SLC8A1: variants seen among roughly 807,000 people sequenced by gnomAD.
SLC8A1 encodes solute carrier family 8 member A1, also known as sodium/calcium exchanger 1.
SLC8A1 carries 18 observed loss-of-function variants against 68.3 expected under a neutral mutation model. The ratio of observed to expected loss-of-function variants is 0.26; its 90% CI spans 0.18 to 0.39. The LOEUF is 0.39. SLC8A1 is among the 10% of genes least tolerant of loss of function. SLC8A1 has a pLI of 1.00. For missense variants in SLC8A1, 985 were observed against 1,156.7 expected (o/e 0.85, Z 2.15); for synonymous variants, 475 against 415.5 (o/e 1.14, Z -1.74).
chr2:40,329,060 T>TCTCACA (rs1553510042), intron 2 of SLC8A1, among the ~76,000 whole-genome samples: 1 of 141,144 alleles, frequency 7.1e-6, no homozygotes, highest in African/African-American at 2.6e-5. Context: ...CACTACAACC[T>TCTCACA]CACACACACA....
chr2:40,451,011 T>G (rs1273966379), intron 1 of SLC8A1, among the ~76,000 whole-genome samples: 1 of 151,968 alleles, frequency 6.6e-6, no homozygotes, highest in African/African-American at 2.4e-5. Context: ...AGGGGGTGGA[T>G]TTAAAGAATC....
At chr2:40,363,535 C>G (rs1030365633) in intron 2 of SLC8A1, among the ~76,000 whole-genome samples, 6 of 152,062 alleles carry the variant, frequency 3.9e-5, no homozygotes, top group Admixed American at 3.9e-4. Context: ...CAAAAGCTAT[C>G]ATTATTATTA....
At chr2:40,491,882 G>A (rs1705339664) in intron 1 of SLC8A1, among the ~76,000 whole-genome samples, 1 of 152,190 alleles carries the variant, frequency 6.6e-6, no homozygotes, top group East Asian at 1.9e-4. Flanking sequence ...ATGCTCATGG[G>A]TAGGAAGAAT....
At chr2:40,230,100 T>C (rs540840061) in intron 2 of SLC8A1, among the ~76,000 whole-genome samples, 1 of 152,278 alleles carries the variant, frequency 6.6e-6, no homozygotes, top group South Asian at 2.1e-4. Context: ...AATCCATCTC[T>C]AGATCCCCAC....
At chr2:40,229,087 AC>A (rs917942862) in intron 2 of SLC8A1, among the ~76,000 whole-genome samples, 1 of 152,094 alleles carries the variant, frequency 6.6e-6, no homozygotes, top group Admixed American at 6.6e-5. Context: ...TAATCTAATA[AC>A]CATAACCATA....
intron 1 of SLC8A1, among the ~76,000 whole-genome samples, chr2:40,438,091 C>A (rs1699782540): frequency 1.3e-5 from 2 of 152,144 alleles, no homozygotes; most frequent in Admixed American, 1.3e-4. Flanking sequence ...TCGGACTGCT[C>A]AGACTGTGGT....
chr2:40,303,512 C>T (rs2149275349), intron 2 of SLC8A1, among the ~76,000 whole-genome samples: 1 of 152,296 alleles, frequency 6.6e-6, no homozygotes, highest in Non-Finnish European at 1.5e-5. Flanking sequence ...ACTAACTTGA[C>T]TTTGTCTTTC....
chr2:40,319,491 C>G (rs1009380786), intron 2 of SLC8A1, among the ~76,000 whole-genome samples: 15 of 152,218 alleles, frequency 9.9e-5, no homozygotes, highest in African/African-American at 3.6e-4. Context: ...TTTGGTAGCA[C>G]TGAATTTCTC....
chr2:40,192,974 A>T (rs1193950811), intron 2 of SLC8A1, among the ~76,000 whole-genome samples: 2 of 152,100 alleles, frequency 1.3e-5, no homozygotes, highest in Non-Finnish European at 1.5e-5. Flanking sequence ...CCGCCACGGG[A>T]TAGGACAGCA....
At chr2:40,200,748 C>T (rs1387441094) in intron 2 of SLC8A1, among the ~76,000 whole-genome samples, 1 of 151,700 alleles carries the variant, frequency 6.6e-6, no homozygotes, top group South Asian at 2.1e-4. Flanking sequence ...TTGCCGTGAG[C>T]CAGAAGAAGG....
At chr2:40,148,618 C>T (rs147851694) in intron 6 of SLC8A1, among the ~76,000 whole-genome samples, 9 of 152,294 alleles carry the variant, frequency 5.9e-5, no homozygotes, top group South Asian at 2.1e-4. Context: ...TCAGTAAACA[C>T]GGCCCTCCAC....
chr2:40,437,320 A>G (rs1027857047), intron 1 of SLC8A1, among the ~76,000 whole-genome samples: 3 of 152,142 alleles, frequency 2.0e-5, no homozygotes, highest in Non-Finnish European at 4.4e-5. Context: ...TGTAGGTTGC[A>G]TTAGCTCATC....
At chr2:40,400,209 C>G (rs1382499427) in intron 2 of SLC8A1, among the ~76,000 whole-genome samples, 1 of 152,158 alleles carries the variant, frequency 6.6e-6, no homozygotes, top group East Asian at 1.9e-4. Context: ...CGAATAAACC[C>G]CTTCCTTCTT....
At chr2:40,249,907 G>C (rs2062475262) in intron 2 of SLC8A1, among the ~76,000 whole-genome samples, 2 of 152,006 alleles carry the variant, frequency 1.3e-5, no homozygotes, top group Non-Finnish European at 2.9e-5. Context: ...AATATATTTT[G>C]ATAAGTAGCA....
At chr2:40,398,069 C>T (rs990496390) in intron 2 of SLC8A1, among the ~76,000 whole-genome samples, 3 of 152,226 alleles carry the variant, frequency 2.0e-5, no homozygotes, top group African/African-American at 7.2e-5. Context: ...AGCATTTCTT[C>T]TGCAGTTATT....
intron 2 of SLC8A1, among the ~76,000 whole-genome samples, chr2:40,260,614 G>T (rs2064564783): frequency 6.6e-6 from 1 of 152,012 alleles, no homozygotes; most frequent in African/African-American, 2.4e-5. Context: ...GAGGTAATAG[G>T]AATTCAAGCT....
At chr2:40,418,505 A>G (rs1428749074) in intron 2 of SLC8A1, among the ~76,000 whole-genome samples, 1 of 152,146 alleles carries the variant, frequency 6.6e-6, no homozygotes, top group Non-Finnish European at 1.5e-5. Context: ...AGGCCACCTG[A>G]GCCTAAGACC....
chr2:40,256,256 AAGAGGGTAGG>A (rs1292574146), intron 2 of SLC8A1, among the ~76,000 whole-genome samples: 1 of 152,182 alleles, frequency 6.6e-6, no homozygotes, highest in Non-Finnish European at 1.5e-5. Context: ...CACTCTGTGG[AAGAGGGTAGG>A]AGAGGTGTGG....
chr2:40,419,141 T>C (rs1694760289), intron 2 of SLC8A1, among the ~76,000 whole-genome samples: 1 of 152,214 alleles, frequency 6.6e-6, no homozygotes, highest in Admixed American at 6.5e-5. Context: ...CACAGCATCT[T>C]GCAAGGGGCT....
Sources: allele counts gnomAD v4.1 joint callset (sites outside exome capture counted in the v4.1 genomes callset), GRCh38; gene constraint gnomAD v4.1.1; transcripts MANE v1.5; gene names NCBI Gene and HGNC (gene_info 2026-07-23, HGNC 2026-07-21).